The following PARD3B variants were observed in gnomAD, a reference collection of about 807,000 sequenced individuals.
PARD3B encodes the protein partitioning defective 3 homolog B.
A neutral mutation model predicts 130.2 loss-of-function variants in PARD3B; 103 were observed. The observed-to-expected ratio is 0.79, with a 90% CI of 0.67 to 0.93. The LOEUF is 0.93. Among genes scored for constraint, PARD3B ranks in the 40% least tolerant of loss-of-function variants. PARD3B has a pLI of 0.00. For synonymous variants in PARD3B, 583 were observed against 553.2 expected (o/e 1.05, Z -0.76); for missense variants, 1,609 against 1,499.2 (o/e 1.07, Z -1.21).
intron 19 of PARD3B, among the ~76,000 whole-genome samples, chr2:205,409,264 T>G (rs1353933203): frequency 6.6e-6 from 1 of 152,080 alleles, no homozygotes; most frequent in African/African-American, 2.4e-5. Flanking sequence ...TTTCCTAGAA[T>G]GAGAATTAAA....
intron 16 of PARD3B, among the ~76,000 whole-genome samples, chr2:205,298,974 A>G (rs1333886353): frequency 6.6e-6 from 1 of 152,124 alleles, no homozygotes; most frequent in East Asian, 1.9e-4. Flanking sequence ...AATCTGTAAA[A>G]TGGGGCTAAA....
chr2:205,330,324 G>A (rs1464635518), intron 18 of PARD3B, among the ~76,000 whole-genome samples: 1 of 151,988 alleles, frequency 6.6e-6, no homozygotes, highest in Non-Finnish European at 1.5e-5. Flanking sequence ...CTGGGAGACA[G>A]AGCCAGACTC....
intron 3 of PARD3B, among the ~76,000 whole-genome samples, chr2:204,996,251 G>A (rs1694159665): frequency 1.4e-5 from 2 of 147,782 alleles, no homozygotes; most frequent in Admixed American, 6.8e-5. Flanking sequence ...ATGTACAGAT[G>A]GGTTTTCGGT....
intron 4 of PARD3B, among the ~76,000 whole-genome samples, chr2:205,067,772 A>AT (rs1312513390): frequency 1.3e-5 from 2 of 152,016 alleles, no homozygotes; most frequent in African/African-American, 2.4e-5. Flanking sequence ...AGATGATGCT[A>AT]TTTTTTCTTT....
intron 22 of PARD3B, among the ~76,000 whole-genome samples, chr2:205,609,347 C>G (rs951945052): frequency 6.6e-6 from 1 of 152,134 alleles, no homozygotes; most frequent in African/African-American, 2.4e-5. Flanking sequence ...AAAGCACCGA[C>G]CCCAGCTCAG....
chr2:204,900,700 G>A (rs2046823450), intron 2 of PARD3B, among the ~76,000 whole-genome samples: 1 of 152,112 alleles, frequency 6.6e-6, no homozygotes, highest in Admixed American at 6.5e-5. Context: ...CATTGTCTGG[G>A]CATTGATGGC....
chr2:205,082,849 C>T (rs1369038624), intron 4 of PARD3B, among the ~76,000 whole-genome samples: 1 of 151,784 alleles, frequency 6.6e-6, no homozygotes, highest in African/African-American at 2.4e-5. Flanking sequence ...TAAGCCTCTT[C>T]CAAGAAAAAT....
At chr2:204,671,749 T>C (rs138300795) in intron 1 of PARD3B, among the ~76,000 whole-genome samples, 97 of 152,320 alleles carry the variant, frequency 6.4e-4, no homozygotes, top group African/African-American at 2.2e-3. Flanking sequence ...TTTTTAAAAT[T>C]AAAATATTTC....
At chr2:204,982,104 C>G (rs1391281218) in intron 3 of PARD3B, among the ~76,000 whole-genome samples, 2 of 151,934 alleles carry the variant, frequency 1.3e-5, no homozygotes, top group Non-Finnish European at 2.9e-5. Context: ...GAAAGGGAGA[C>G]TTTTATTTTT....
At chr2:205,522,739 C>CAATAAATTTTT (rs2051134133) in intron 21 of PARD3B, among the ~76,000 whole-genome samples, 1 of 151,900 alleles carries the variant, frequency 6.6e-6, no homozygotes, top group Non-Finnish European at 1.5e-5. Flanking sequence ...ATTATACACA[C>CAATAAATTTTT]AATAAATTTT....
rs3048121 is a variant in PARD3B, at chr2:205,365,549, C to CTTTTTTTTTTTTT, written c.2631-35460_2631-35448dup. 3.5e-5 allele frequency among the ~76,000 whole-genome samples: 4 copies of CTTTTTTTTTTTTT among 113,758 alleles called. 1 individual carries two copies. Among genetic ancestry groups the CTTTTTTTTTTTTT allele is most frequent in the African/African-American group, 3.8e-5 (1 of 26,534 alleles). 74.6% of individuals were successfully genotyped at this position (113,758 alleles called of 152,430 possible). A position where few individuals can be genotyped will look rare whatever the true frequency, so the allele number is the denominator to read the frequency against. On this transcript the variant is annotated intron_variant, in intron 18 of 22. Transcript: ENST00000406610. The stretch of plus-strand genomic sequence containing the variant: ...TCAGGGCCATATCCACCCAACCTTC[C>CTTTTTTTTTTTTT]TTTTTTTTTTTTTTTTCTAATCTAC...
rs1210211262 is a variant in PARD3B, at chr2:204,967,701, C to T, written c.394+2378C>T. Among the ~76,000 whole-genome samples, 4 of 152,146 alleles carry T rather than the reference C, an allele frequency of 2.6e-5. No individual in the cohort carries two copies. Among genetic ancestry groups the T allele is most frequent in the African/African-American group, 7.2e-5 (3 of 41,440 alleles). ...CATATTTGTCAGGTTTTTCAGATAG[C>T]GAAGTTAAAGAAGGAAGCAACACAG... On this transcript the variant is annotated intron_variant, in intron 3 of 22. Transcript: ENST00000406610. This position sits in a 1 kb window ranked among gnomAD's most constrained non-coding sequence, Gnocchi z 4.4.
Position 205,121,495 on chromosome 2 carries a change from C to T in PARD3B, c.807-96C>T. On this transcript the variant is annotated intron_variant, in intron 7 of 22. Coordinates refer to ENST00000406610, the MANE Select transcript of PARD3B (RefSeq NM_001302769.2). This position sits in a 1 kb window ranked among gnomAD's most constrained non-coding sequence, Gnocchi z 5.0. ...ATTGATCGTGTCTCCTATGATTAGC[C>T]ACTGTGCTGCTCTTGGTTGCCATCC... is the stretch of plus-strand genomic sequence containing the variant. The T allele has an allele frequency of 3.0e-6, 3 of 1,008,990 alleles. No homozygotes were observed. The highest frequency in any genetic ancestry group is 1.5e-5 in the South Asian group (1 of 65,512). 62.5% of individuals were successfully genotyped at this position (1,008,990 alleles called of 1,614,324 possible). A position where few individuals can be genotyped will look rare whatever the true frequency, so the allele number is the denominator to read the frequency against.
chr2:204,945,431 G>A (rs1291791658), intron 2 of PARD3B, among the ~76,000 whole-genome samples: 1 of 152,148 alleles, frequency 6.6e-6, no homozygotes, highest in Non-Finnish European at 1.5e-5. Flanking sequence ...TGAAGGAGAA[G>A]CTCCTCAAAG....
At chr2:204,707,389 C>G (rs4140727) in intron 2 of PARD3B, among the ~76,000 whole-genome samples, 123,724 of 152,160 alleles carry the variant, frequency 0.81, 50,495 homozygotes, top group Middle Eastern at 0.92. Context: ...AGTTTTTTGA[C>G]GAAATCACTG....
At chr2:205,472,878 A>T (rs1247424852) in intron 20 of PARD3B, among the ~76,000 whole-genome samples, 2 of 152,140 alleles carry the variant, frequency 1.3e-5, no homozygotes, top group African/African-American at 4.8e-5. Flanking sequence ...GAGGGGGGGA[A>T]CAGACAGAAA....
At chr2:204,746,216 G>T in intron 2 of PARD3B, among the ~76,000 whole-genome samples, 1 of 144,042 alleles carries the variant, frequency 6.9e-6, no homozygotes, top group East Asian at 2.1e-4. Flanking sequence ...CCACCTATGA[G>T]TGAGAACATG....
chr2:205,577,166 T>G (rs958945039), intron 22 of PARD3B, among the ~76,000 whole-genome samples: 1 of 152,230 alleles, frequency 6.6e-6, no homozygotes. Context: ...CTATAATTGC[T>G]TATTAATTCC....
At chr2:205,072,408 G>A (rs373963222) in intron 4 of PARD3B, among the ~76,000 whole-genome samples, 1 of 151,828 alleles carries the variant, frequency 6.6e-6, no homozygotes, top group African/African-American at 2.4e-5. Flanking sequence ...GCGCCACCAC[G>A]CCTGGCTAAT....
Sources: allele counts gnomAD v4.1 joint callset (sites outside exome capture counted in the v4.1 genomes callset), GRCh38; gene constraint gnomAD v4.1.1; non-coding constraint Gnocchi (gnomAD v3.1); transcripts MANE v1.5; gene names NCBI Gene and HGNC (gene_info 2026-07-23, HGNC 2026-07-21).